CNTNAP2: variants seen among roughly 807,000 people sequenced by gnomAD.
The protein encoded by CNTNAP2 is contactin-associated protein-like 2.
A neutral mutation model predicts 155.2 loss-of-function variants in CNTNAP2; 98 were observed. The ratio of observed to expected loss-of-function variants is 0.63; its 90% CI spans 0.54 to 0.75. The LOEUF is 0.75. Ranked by LOEUF, CNTNAP2 falls within the 30% of genes least tolerant of loss-of-function variation. The pLI is 0.00. For missense variants in CNTNAP2, 1,727 were observed against 1,688.1 expected (o/e 1.02, Z -0.40); for synonymous variants, 651 against 631.2 (o/e 1.03, Z -0.47).
chr7:146,923,519 A>T (rs1366330870), intron 3 of CNTNAP2, among the ~76,000 whole-genome samples: 1 of 152,186 alleles, frequency 6.6e-6, no homozygotes, highest in Admixed American at 6.6e-5. Flanking sequence ...GAGTAACTGT[A>T]ATGATAAATA....
chr7:146,776,971 A>G (rs768210482), intron 2 of CNTNAP2, among the ~76,000 whole-genome samples: 5 of 152,140 alleles, frequency 3.3e-5, no homozygotes, highest in Non-Finnish European at 7.4e-5. Flanking sequence ...ATATATATTT[A>G]TATCTACCTA....
intron 18 of CNTNAP2, among the ~76,000 whole-genome samples, chr7:148,208,738 A>G (rs1185659079): frequency 3.3e-5 from 5 of 152,208 alleles, no homozygotes; most frequent in African/African-American, 9.6e-5. Context: ...GAAGGTTTCT[A>G]GAATTTCCCC....
At chr7:146,432,627 C>A (rs775419881) in intron 1 of CNTNAP2, among the ~76,000 whole-genome samples, 35 of 152,162 alleles carry the variant, frequency 2.3e-4, no homozygotes, top group Admixed American at 6.5e-4. Context: ...AAAAACTCTG[C>A]CACTAATTCA....
At chr7:146,153,282 C>G (rs1027443598) in intron 1 of CNTNAP2, among the ~76,000 whole-genome samples, 1 of 152,092 alleles carries the variant, frequency 6.6e-6, no homozygotes, top group Non-Finnish European at 1.5e-5. Context: ...TACAGTTACA[C>G]GTTCCAACCA....
chr7:147,868,807 CG>C (rs1276418968), intron 13 of CNTNAP2, among the ~76,000 whole-genome samples: 2 of 152,220 alleles, frequency 1.3e-5, no homozygotes, highest in African/African-American at 4.8e-5. Context: ...CCTTGTCTGC[CG>C]GTTGCTAAGA....
At chr7:147,155,985 T>C (rs1801918052) in intron 8 of CNTNAP2, among the ~76,000 whole-genome samples, 1 of 152,104 alleles carries the variant, frequency 6.6e-6, no homozygotes, top group African/African-American at 2.4e-5. Context: ...AGTAGGTGCA[T>C]GGATTAAAGG....
intron 21 of CNTNAP2, among the ~76,000 whole-genome samples, chr7:148,275,428 A>C (rs1304011483): frequency 6.6e-6 from 1 of 152,188 alleles, no homozygotes; most frequent in Non-Finnish European, 1.5e-5. Context: ...AATGGGCTGA[A>C]GTAGAGGCCA....
At chr7:146,241,823 T>TACAC (rs927212603) in intron 1 of CNTNAP2, among the ~76,000 whole-genome samples, 1 of 146,368 alleles carries the variant, frequency 6.8e-6, no homozygotes, top group Admixed American at 6.7e-5. Context: ...TATATACCTA[T>TACAC]ACACACACAC....
chr7:147,124,490 A>G (rs1411653821), intron 6 of CNTNAP2, among the ~76,000 whole-genome samples: 2 of 152,168 alleles, frequency 1.3e-5, no homozygotes, highest in East Asian at 3.9e-4. Context: ...GGTTGATTTC[A>G]TGCTACCATA....
intron 15 of CNTNAP2, among the ~76,000 whole-genome samples, chr7:148,068,228 T>A (rs964460238): frequency 6.6e-6 from 1 of 152,130 alleles, no homozygotes; most frequent in Admixed American, 6.5e-5. Flanking sequence ...TATTACAAAG[T>A]TCAGCTAGAA....
At chr7:146,535,225 TATATATTATATC>T in intron 1 of CNTNAP2, among the ~76,000 whole-genome samples, 1 of 20,332 alleles carries the variant, frequency 4.9e-5, no homozygotes, top group Non-Finnish European at 7.7e-5. Context: ...TATTATATCA[TATATATTATATC>T]ATATATCATA....
chr7:147,698,160 T>C (rs568888117), intron 13 of CNTNAP2, among the ~76,000 whole-genome samples: 11 of 152,334 alleles, frequency 7.2e-5, no homozygotes, highest in Middle Eastern at 6.8e-3. Flanking sequence ...CCTTCTCTGA[T>C]AGATTCAAGA....
intron 11 of CNTNAP2, among the ~76,000 whole-genome samples, chr7:147,543,940 C>A (rs572788372): frequency 6.6e-6 from 1 of 152,222 alleles, no homozygotes; most frequent in African/African-American, 2.4e-5. Flanking sequence ...TGATAGCAAA[C>A]AATTGTTATT....
chr7:147,109,324 A>G (rs1364736953), intron 5 of CNTNAP2, among the ~76,000 whole-genome samples: 1 of 152,178 alleles, frequency 6.6e-6, no homozygotes, highest in Non-Finnish European at 1.5e-5. Context: ...TAAGAAGAAA[A>G]GAGTAGAAAT....
intron 13 of CNTNAP2, among the ~76,000 whole-genome samples, chr7:147,695,890 C>A (rs1796153771): frequency 6.6e-6 from 1 of 152,184 alleles, no homozygotes. Flanking sequence ...ATTGTTATGA[C>A]TTTTGGCAGG....
intron 4 of CNTNAP2, among the ~76,000 whole-genome samples, chr7:147,064,023 G>A (rs1041558966): frequency 2.6e-5 from 4 of 152,040 alleles, no homozygotes; most frequent in African/African-American, 7.2e-5. Context: ...ACAACTCATC[G>A]AAATCAATAT....
chr7:146,129,146 C>T (rs1397366618), intron 1 of CNTNAP2, among the ~76,000 whole-genome samples: 3 of 152,090 alleles, frequency 2.0e-5, no homozygotes, highest in African/African-American at 7.2e-5. Flanking sequence ...ATGCAATAAT[C>T]TGAGGCATTT....
chr7:146,430,383 T>C (rs1796157855), intron 1 of CNTNAP2, among the ~76,000 whole-genome samples: 1 of 152,026 alleles, frequency 6.6e-6, no homozygotes, highest in East Asian at 1.9e-4. Context: ...GCAGTAAAAA[T>C]ATTTCCTAAG....
At chr7:146,742,871 G>A (rs929519589) in intron 1 of CNTNAP2, among the ~76,000 whole-genome samples, 1 of 152,054 alleles carries the variant, frequency 6.6e-6, no homozygotes, top group African/African-American at 2.4e-5. Context: ...ATAGGCATAT[G>A]TACAAATATT....
Sources: allele counts gnomAD v4.1 joint callset (sites outside exome capture counted in the v4.1 genomes callset), GRCh38; gene constraint gnomAD v4.1.1; transcripts MANE v1.5; gene names NCBI Gene and HGNC (gene_info 2026-07-23, HGNC 2026-07-21).